CAMSAP1: variants seen among roughly 807,000 people sequenced by gnomAD.
CAMSAP1 encodes the protein calmodulin-regulated spectrin-associated protein 1.
CAMSAP1 carries 58 observed loss-of-function variants against 143.5 expected under a neutral mutation model. That is an observed-to-expected ratio of 0.40 (90% CI 0.33 to 0.50). The LOEUF is 0.50. Ranked by LOEUF, CAMSAP1 falls within the 20% of genes least tolerant of loss-of-function variation. The pLI, the probability that CAMSAP1 is intolerant of heterozygous loss-of-function variation, is 0.45. For missense variants in CAMSAP1, 1,969 were observed against 2,115.7 expected, an observed-to-expected ratio of 0.93 and a Z score of 1.36; for synonymous variants, 945 against 859.3, an observed-to-expected ratio of 1.10 and a Z score of -1.74.
intron 1 of CAMSAP1, among the ~76,000 whole-genome samples, chr9:135,898,415 T>C (rs1225812493): frequency 6.6e-6 from 1 of 152,080 alleles, no homozygotes; most frequent in Non-Finnish European, 1.5e-5. Flanking sequence ...GAGGCTGAGA[T>C]GGAAGAATCA....
At chr9:135,876,667 T>C (rs1837760523) in intron 3 of CAMSAP1, among the ~76,000 whole-genome samples, 1 of 152,174 alleles carries the variant, frequency 6.6e-6, no homozygotes, top group African/African-American at 2.4e-5. Flanking sequence ...AAGTTATATA[T>C]ACTTATCACA....
chr9:135,849,109 T>C (rs959552221), intron 7 of CAMSAP1, among the ~76,000 whole-genome samples: 12 of 152,212 alleles, frequency 7.9e-5, no homozygotes, highest in African/African-American at 2.9e-4. Context: ...ACTGAAAATA[T>C]CAGTAAGTAG....
chr9:135,889,757 C>T (rs1000484863), intron 1 of CAMSAP1, among the ~76,000 whole-genome samples: 6 of 152,208 alleles, frequency 3.9e-5, no homozygotes, highest in African/African-American at 7.2e-5. Flanking sequence ...GCCGTGGGAG[C>T]GCATGGGATG....
intron 1 of CAMSAP1, among the ~76,000 whole-genome samples, chr9:135,900,963 G>T (rs111470302): frequency 1.3e-5 from 2 of 151,862 alleles, no homozygotes; most frequent in Admixed American, 1.3e-4. Context: ...CATGTTGGCC[G>T]GGCTGGTCTC....
At chr9:135,843,432 A>G (rs534903842) in intron 7 of CAMSAP1, among the ~76,000 whole-genome samples, 47 of 152,320 alleles carry the variant, frequency 3.1e-4, no homozygotes, top group African/African-American at 1.1e-3. Flanking sequence ...CTCAAAATAA[A>G]GGGATGGAGG....
intron 3 of CAMSAP1, 99 bp downstream of exon 3, chr9:135,881,534 C>A: frequency 1.5e-6 from 2 of 1,339,660 alleles, no homozygotes; most frequent in East Asian, 2.5e-5. Flanking sequence ...AAATGAAGGG[C>A]TGGGTCTCAG....
At chr9:135,828,508 G>A (rs985652470) in intron 7 of CAMSAP1, among the ~76,000 whole-genome samples, 2 of 152,192 alleles carry the variant, frequency 1.3e-5, no homozygotes, top group Admixed American at 6.5e-5. Context: ...AATGGCTGCC[G>A]GAGAAGCTAA....
intron 7 of CAMSAP1, among the ~76,000 whole-genome samples, chr9:135,842,147 G>T (rs973318637): frequency 1.3e-5 from 2 of 152,166 alleles, no homozygotes; most frequent in African/African-American, 4.8e-5. Flanking sequence ...GCTTAGAGAA[G>T]AACACAAATG....
intron 7 of CAMSAP1, among the ~76,000 whole-genome samples, chr9:135,849,475 G>A (rs1237907926): frequency 1.3e-5 from 2 of 152,124 alleles, no homozygotes; most frequent in Non-Finnish European, 2.9e-5. Flanking sequence ...TTAGGCACAT[G>A]GGGTCCCACT....
chr9:135,838,996 A>G (rs1232741736), intron 7 of CAMSAP1, among the ~76,000 whole-genome samples: 3 of 151,632 alleles, frequency 2.0e-5, no homozygotes, highest in African/African-American at 7.3e-5. Context: ...CGCACTTTCT[A>G]CCCTGTTCTA....
Position 135,907,242 on chromosome 9 carries a change from A to G in CAMSAP1, c.-83T>C. The G allele has an allele frequency of 1.1e-6, 1 of 901,618 alleles. No homozygotes were observed. The highest frequency in any genetic ancestry group is 1.8e-5 in the African/African-American group (1 of 54,858). 55.9% of individuals were successfully genotyped at this position (901,618 alleles called of 1,614,324 possible). ...GCCGCGCCGGGCCCGGTGCGCCCCG[A>G]GCCACCACTCGGCCCCGCAGCCGGC... is the stretch of plus-strand genomic sequence containing the variant. On this transcript the variant is annotated 5_prime_UTR_variant, in exon 1 of 17. Coordinates refer to ENST00000389532, the MANE Select transcript of CAMSAP1 (RefSeq NM_015447.4).
intron 7 of CAMSAP1, 116 bp downstream of exon 7, chr9:135,850,021 A>C (rs761510187): frequency 1.5e-5 from 12 of 807,136 alleles, no homozygotes; most frequent in Non-Finnish European, 2.3e-5. Context: ...TTCTGACTCC[A>C]CAGGCTCTTC....
intron 7 of CAMSAP1, among the ~76,000 whole-genome samples, chr9:135,837,408 C>T (rs539450225): frequency 1.3e-5 from 2 of 148,480 alleles, no homozygotes; most frequent in African/African-American, 5.0e-5. Context: ...GTTGTACAGA[C>T]ACACGTCATC....
intron 5 of CAMSAP1, among the ~76,000 whole-genome samples, chr9:135,856,142 C>G (rs1836962094): frequency 6.6e-6 from 1 of 152,176 alleles, no homozygotes; most frequent in Admixed American, 6.5e-5. Flanking sequence ...CTATATTAGT[C>G]CATCTTCACA....
chr9:135,814,435 C>A (rs1222818723), intron 16 of CAMSAP1, among the ~76,000 whole-genome samples: 1 of 152,216 alleles, frequency 6.6e-6, no homozygotes, highest in African/African-American at 2.4e-5. Context: ...CAGCCTCAAT[C>A]TGGGGCAGGG....
chr9:135,827,336 A>T, intron 8 of CAMSAP1, 71 bp downstream of exon 8: 1 of 1,341,238 alleles, frequency 7.5e-7, no homozygotes, highest in Non-Finnish European at 9.9e-7. Context: ...AACTTCAATT[A>T]ATATTTTAAA....
Position 135,882,766 on chromosome 9 carries a change from C to A in CAMSAP1, c.423+50G>T, listed in dbSNP as rs748360520. ...TGCACCAGGTGCGCCACACGAGAGC[C>A]CACGGCTCCAGAGGATGGCCCCTGG... On this transcript the variant is annotated intron_variant, in intron 2 of 16. Transcript: ENST00000389532. The surrounding 1 kb of genome is among the most constrained non-coding windows in gnomAD (Gnocchi z 4.9). 1.3e-6 allele frequency: 2 copies of A among 1,523,194 alleles called. No homozygotes were observed. Among genetic ancestry groups the A allele is most frequent in the Admixed American group, 2.0e-5 (1 of 50,152 alleles). 94.4% of individuals were successfully genotyped at this position (1,523,194 alleles called of 1,614,324 possible).
chr9:135,896,170 CTTCAAA>C (rs1838444414), intron 1 of CAMSAP1, among the ~76,000 whole-genome samples: 1 of 152,022 alleles, frequency 6.6e-6, no homozygotes, highest in African/African-American at 2.4e-5. Context: ...AAGAAATACA[CTTCAAA>C]TTCAACAACT....
intron 7 of CAMSAP1, among the ~76,000 whole-genome samples, chr9:135,829,665 C>T (rs1240037249): frequency 6.6e-6 from 1 of 152,064 alleles, no homozygotes; most frequent in African/African-American, 2.4e-5. Context: ...ACCAGCCTGG[C>T]CACATGGTGA....
Sources: gnomAD v4.1 joint callset for allele counts (sites outside exome capture counted in the v4.1 genomes callset) on GRCh38, gnomAD v4.1.1 for gene constraint, Gnocchi (gnomAD v3.1) non-coding constraint, MANE v1.5 for transcripts, NCBI Gene and HGNC (gene_info 2026-07-23, HGNC 2026-07-21) for gene names.